ITPR2: variants seen among roughly 807,000 people sequenced by gnomAD.
The protein encoded by ITPR2 is inositol 1,4,5-trisphosphate-gated calcium channel ITPR2.
Under a neutral mutation model 317.1 loss-of-function variants are expected in ITPR2, and 207 were observed. The ratio of observed to expected loss-of-function variants is 0.65; its 90% CI spans 0.58 to 0.73. The LOEUF is 0.73. ITPR2 is among the 30% of genes least tolerant of loss of function. ITPR2 has a pLI of 0.00. For missense variants in ITPR2, 2,613 were observed against 3,284.0 expected, an observed-to-expected ratio of 0.80 and a Z score of 4.99; for synonymous variants, 1,156 against 1,149.1, an observed-to-expected ratio of 1.01 and a Z score of -0.12.
intron 37 of ITPR2, among the ~76,000 whole-genome samples, chr12:26,511,177 G>C (rs1943336859): frequency 6.6e-6 from 1 of 152,116 alleles, no homozygotes; most frequent in Non-Finnish European, 1.5e-5. Flanking sequence ...GTAAAAGAGT[G>C]CTCCACAAGT....
At chr12:26,757,367 C>A (rs1949543550) in intron 2 of ITPR2, among the ~76,000 whole-genome samples, 1 of 152,078 alleles carries the variant, frequency 6.6e-6, no homozygotes, top group Non-Finnish European at 1.5e-5. Flanking sequence ...AGGTGCCCAC[C>A]ACCATGCCTG....
At chr12:26,379,646 C>T (rs1310742175) in intron 55 of ITPR2, among the ~76,000 whole-genome samples, 2 of 152,134 alleles carry the variant, frequency 1.3e-5, no homozygotes, top group African/African-American at 2.4e-5. Flanking sequence ...CTGGGATCCC[C>T]ACCACGCCTC....
chr12:26,608,166 T>C (rs1946180753), intron 26 of ITPR2, among the ~76,000 whole-genome samples: 1 of 152,152 alleles, frequency 6.6e-6, no homozygotes, highest in African/African-American at 2.4e-5. Flanking sequence ...TTTGACTCAT[T>C]TGATGTCGTT....
rs185443509 is a variant in ITPR2 at position 26,542,142 on chromosome 12, A to T, written c.5073+8105T>A. Among the ~76,000 whole-genome samples the T allele has an allele frequency of 2.2e-4, 33 of 152,344 alleles. 1 individual carries two copies. The highest frequency in any genetic ancestry group is 1.5e-3 in the Admixed American group (23 of 15,302). Reference sequence around the variant, plus strand: ...GTCATCTTACAAAATATTGTTTAGAACTTTTATAACTAATATTCTAGTTAA... The same window carrying T: ...GTCATCTTACAAAATATTGTTTAGATCTTTTATAACTAATATTCTAGTTAA... On this transcript the variant is annotated intron_variant, in intron 37 of 56. Coordinates refer to ENST00000381340, the MANE Select transcript of ITPR2 (RefSeq NM_002223.4).
intron 11 of ITPR2, among the ~76,000 whole-genome samples, chr12:26,685,126 C>T (rs78450788): frequency 0.012 from 1,861 of 152,282 alleles, 35 homozygotes; most frequent in African/African-American, 0.042. Flanking sequence ...TAGGTGCCTT[C>T]AGCTTCACCA....
At chr12:26,724,344 C>G (rs1273227636) in intron 4 of ITPR2, among the ~76,000 whole-genome samples, 1 of 152,162 alleles carries the variant, frequency 6.6e-6, no homozygotes, top group East Asian at 1.9e-4. Flanking sequence ...AACACAGTCC[C>G]ATTAATCTAA....
intron 9 of ITPR2, among the ~76,000 whole-genome samples, chr12:26,696,076 A>G (rs1948342048): frequency 6.6e-6 from 1 of 152,254 alleles, no homozygotes; most frequent in African/African-American, 2.4e-5. Flanking sequence ...AAAGAAAAAC[A>G]AAACAGAGCA....
intron 2 of ITPR2, among the ~76,000 whole-genome samples, chr12:26,740,766 A>G (rs1292161152): frequency 6.6e-6 from 1 of 152,252 alleles, no homozygotes; most frequent in Admixed American, 6.5e-5. Context: ...CCCAGGGGAA[A>G]AAAGTCTAAT....
intron 55 of ITPR2, among the ~76,000 whole-genome samples, chr12:26,348,527 A>G (rs1357528485): frequency 6.6e-6 from 1 of 152,178 alleles, no homozygotes. Context: ...ACCCACCTAT[A>G]TACAACTACT....
At chr12:26,798,649 T>A (rs894676928) in intron 1 of ITPR2, among the ~76,000 whole-genome samples, 7 of 152,252 alleles carry the variant, frequency 4.6e-5, no homozygotes, top group African/African-American at 1.7e-4. Context: ...ATCCCAAGGA[T>A]GTTAATTCAT....
At chr12:26,440,524 T>C (rs755307790) in intron 46 of ITPR2, among the ~76,000 whole-genome samples, 14 of 152,164 alleles carry the variant, frequency 9.2e-5, no homozygotes, top group Non-Finnish European at 1.9e-4. Flanking sequence ...TAAACAATTG[T>C]CACTGTGGTA....
At position 26,682,598 on chromosome 12, in the gene ITPR2, A is replaced by G. The variant is rs572730387; in HGVS notation, c.1224T>C (p.Asp408=). The change falls in exon 12 of 57, where the codon GAT becomes GAC. Residue 408 remains aspartate (D), a synonymous_variant. Transcript: ENST00000381340. ...VTSTSIPIDT[D]EERPVMLKIG... ...CCTTTAACATAACAGGCCTCTCTTC[A>G]TCTGTGTCTATGGGGATACTAGTAC... The G allele has an allele frequency of 6.2e-7, 1 of 1,611,638 alleles. No homozygotes were observed. Among genetic ancestry groups the G allele is most frequent in the South Asian group, 1.1e-5 (1 of 90,784 alleles).
At chr12:26,686,278 T>C (rs1403742918) in intron 11 of ITPR2, among the ~76,000 whole-genome samples, 1 of 152,126 alleles carries the variant, frequency 6.6e-6, no homozygotes, top group East Asian at 1.9e-4. Flanking sequence ...AGAGTTTCTT[T>C]GGTCCTGCAC....
intron 55 of ITPR2, among the ~76,000 whole-genome samples, chr12:26,369,411 G>A (rs1939115109): frequency 6.6e-6 from 1 of 152,124 alleles, no homozygotes; most frequent in Non-Finnish European, 1.5e-5. Flanking sequence ...TTAGAATGAT[G>A]GAAGTTTTAG....
chr12:26,533,677 A>C (rs1447703070), intron 37 of ITPR2, among the ~76,000 whole-genome samples: 1 of 152,126 alleles, frequency 6.6e-6, no homozygotes, highest in Non-Finnish European at 1.5e-5. Flanking sequence ...ACAGACACAC[A>C]TACAGAAGGA....
intron 44 of ITPR2, among the ~76,000 whole-genome samples, chr12:26,476,348 C>A (rs1591815441): frequency 1.3e-5 from 2 of 152,100 alleles, no homozygotes; most frequent in Admixed American, 1.3e-4. Context: ...TTAAAATACA[C>A]CTGCATTATT....
chr12:26,369,712 T>G (rs1046124391), intron 55 of ITPR2, among the ~76,000 whole-genome samples: 6 of 152,152 alleles, frequency 3.9e-5, no homozygotes, highest in African/African-American at 1.2e-4. Context: ...TCTGTGTTAT[T>G]CATGAGCCCT....
Position 26,631,847 on chromosome 12 carries a change from C to A in ITPR2, c.2934+19G>T. The A allele has an allele frequency of 6.2e-7, 1 of 1,608,174 alleles. No homozygotes were observed. The highest frequency in any genetic ancestry group is 1.7e-5 in the Admixed American group (1 of 59,460). ...GCAAAATTACATCTTTGTCACCTAG[C>A]TTCTGTTAGGCAACACACCTGCAAA... On this transcript the variant is annotated intron_variant, in intron 22 of 56. Transcript: ENST00000381340.
chr12:26,426,532 C>T (rs1941066178), intron 49 of ITPR2, among the ~76,000 whole-genome samples: 1 of 152,072 alleles, frequency 6.6e-6, no homozygotes, highest in Non-Finnish European at 1.5e-5. Flanking sequence ...AACTTCTGCC[C>T]TCAAGAAACT....
Sources: allele counts gnomAD v4.1 joint callset (sites outside exome capture counted in the v4.1 genomes callset), GRCh38; gene constraint gnomAD v4.1.1; transcripts MANE v1.5; gene names NCBI Gene and HGNC (gene_info 2026-07-23, HGNC 2026-07-21).